The following CEP63 variants were observed in gnomAD, a reference collection of about 807,000 sequenced individuals.
CEP63 encodes the protein centrosomal protein of 63 kDa.
CEP63 carries 84 observed loss-of-function variants against 89.1 expected under a neutral mutation model. The ratio of observed to expected loss-of-function variants is 0.94; its 90% CI spans 0.79 to 1.13. The LOEUF (loss-of-function observed/expected upper bound fraction) is 1.13, where lower values mean the gene tolerates loss of function less well. Among genes scored for constraint, CEP63 ranks in the 50% most tolerant of loss-of-function variants. The probability of loss-of-function intolerance (pLI) is 0.00; values close to 1 mark genes in which losing one functional copy is unlikely to be tolerated. For synonymous variants in CEP63, 267 were observed against 272.5 expected (o/e 0.98, Z 0.20); for missense variants, 838 against 813.3 (o/e 1.03, Z -0.37).
At chr3:134,558,523 G>A (rs1230684724) in intron 13 of CEP63, among the ~76,000 whole-genome samples, 176 bp downstream of exon 13, 1 of 152,076 alleles carries the variant, frequency 6.6e-6, no homozygotes, top group Non-Finnish European at 1.5e-5. Flanking sequence ...GGCTGGGGGA[G>A]GTGTATAGCA....
chr3:134,500,181 T>A (rs1178450938), intron 2 of CEP63, among the ~76,000 whole-genome samples: 1 of 152,236 alleles, frequency 6.6e-6, no homozygotes, highest in Non-Finnish European at 1.5e-5. Flanking sequence ...CACTTGCAAA[T>A]GAAAACATGC....
exon 12 of CEP63, chr3:134,574,807 C>A: frequency 1.6e-6 from 1 of 609,878 alleles, no homozygotes; most frequent in Admixed American, 2.4e-5. Flanking sequence ...GGGGTTTTAC[C>A]ATGTTGTCCA....
At position 134,564,441 on chromosome 3, in the gene CEP63, C is replaced by T. The variant is rs1441214885; in HGVS notation, c.*2906C>T. On this transcript the variant is annotated 3_prime_UTR_variant, in exon 15 of 15. Coordinates refer to ENST00000675561, the MANE Select transcript of CEP63 (RefSeq NM_001353108.3). ...AGGGAACGTTTCTCCTCATTGCTGT[C>T]ATGGCACCCTGTGTGTGGCTCTGAC... The T allele has an allele frequency of 1.3e-5, 13 of 985,336 alleles. No homozygotes were observed. Among genetic ancestry groups the T allele is most frequent in the African/African-American group, 1.7e-5 (1 of 57,232 alleles). The allele number at this position is 985,336 out of a possible 1,614,324, so 61.0% of individuals were successfully genotyped here.
At chr3:134,583,011 C>G (rs1958397299) in intron 10 of CEP63, among the ~76,000 whole-genome samples, 1 of 152,146 alleles carries the variant, frequency 6.6e-6, no homozygotes, top group South Asian at 2.1e-4. Flanking sequence ...CCTTTGCCCA[C>G]TTTTTGATGG....
intron 5 of CEP63, among the ~76,000 whole-genome samples, chr3:134,535,056 T>C (rs1009995453): frequency 2.6e-5 from 4 of 152,184 alleles, no homozygotes; most frequent in Non-Finnish European, 5.9e-5. Flanking sequence ...TTAATTTTTT[T>C]TCTCTACTGG....
chr3:134,506,999 T>C, intron 2 of CEP63, 110 bp from the exon 3 acceptor site: 1 of 715,168 alleles, frequency 1.4e-6, no homozygotes, highest in South Asian at 1.6e-5. Flanking sequence ...TTAATGTCAT[T>C]TAATTATTTA....
At chr3:134,695,580 G>A in the CEP63 span, among the ~76,000 whole-genome samples, 4 of 152,226 alleles carry the variant, frequency 2.6e-5, no homozygotes, top group Non-Finnish European at 5.9e-5. Flanking sequence ...GCTGGCTGTG[G>A]TGGTGAAGCT....
chr3:134,618,043 A>G, the CEP63 span, among the ~76,000 whole-genome samples: 1 of 151,918 alleles, frequency 6.6e-6, no homozygotes, highest in African/African-American at 2.4e-5. Context: ...CATATTCTGT[A>G]CCCTGACCCA....
At chr3:134,649,428 G>C in the CEP63 span, among the ~76,000 whole-genome samples, 1 of 152,188 alleles carries the variant, frequency 6.6e-6, no homozygotes, top group Non-Finnish European at 1.5e-5. Flanking sequence ...CTCGTGGGCT[G>C]ACCTGGAACT....
chr3:134,604,413 G>T, the CEP63 span: 1 of 1,613,966 alleles, frequency 6.2e-7, no homozygotes, highest in Non-Finnish European at 8.5e-7. Flanking sequence ...GCTTGCCATT[G>T]AGCATGAACA....
In CEP63 at chr3:134,531,791, G is replaced by A. The variant is rs1949901300; in HGVS notation, c.223-54G>A. 8 of 1,210,004 alleles carry A rather than the reference G, an allele frequency of 6.6e-6. No individual in the cohort carries two copies. The South Asian group carries it at 7.3e-5, about 11-fold the overall frequency. 75.0% of individuals were successfully genotyped at this position (1,210,004 alleles called of 1,614,324 possible). A position where few individuals can be genotyped will look rare whatever the true frequency, so the allele number is the denominator to read the frequency against. On this transcript the variant is annotated intron_variant, in intron 3 of 14. Coordinates refer to ENST00000675561, the MANE Select transcript of CEP63 (RefSeq NM_001353108.3). ...GATTATTTTCTATTTTTATATCTCA[G>A]GGATGTTATTTCAATGCTAATAGTG...
At chr3:134,779,318 C>A in the CEP63 span, among the ~76,000 whole-genome samples, 1 of 152,164 alleles carries the variant, frequency 6.6e-6, no homozygotes, top group African/African-American at 2.4e-5. Context: ...ATAATTCACT[C>A]ATTTTTGCTC....
chr3:134,556,383 C>T (rs879432560), intron 12 of CEP63, among the ~76,000 whole-genome samples: 13 of 151,634 alleles, frequency 8.6e-5, no homozygotes, highest in East Asian at 1.9e-4. Context: ...ATTTTTAAAG[C>T]GCAAACCCAC....
At chr3:134,749,195 TG>T in the CEP63 span, among the ~76,000 whole-genome samples, 2 of 152,238 alleles carry the variant, frequency 1.3e-5, no homozygotes, top group Non-Finnish European at 2.9e-5. Context: ...GGAGAACTTA[TG>T]GAAACCCAAA....
At chr3:134,600,751 C>G in the CEP63 span, 1 of 152,268 alleles carries the variant, frequency 6.6e-6, no homozygotes, top group Non-Finnish European at 1.5e-5. Context: ...TCAAGTGCTT[C>G]TGTTTCAAGA....
chr3:134,528,164 C>T (rs867138656), intron 3 of CEP63, among the ~76,000 whole-genome samples: 3 of 152,142 alleles, frequency 2.0e-5, no homozygotes, highest in South Asian at 4.1e-4. Flanking sequence ...AGTCCAGGTG[C>T]GTAGTCGCCT....
chr3:134,575,360 TCTCCCTCCCTCC>T (rs373929339), downstream of CEP63, among the ~76,000 whole-genome samples: 19 of 23,706 alleles, frequency 8.0e-4, 2 homozygotes, highest in African/African-American at 2.6e-3. Context: ...TGGCCCTCTT[TCTCCCTCCCTCC>T]CTCCCTCCCT....
At chr3:134,488,953 C>T (rs1936677010) in intron 1 of CEP63, among the ~76,000 whole-genome samples, 2 of 151,898 alleles carry the variant, frequency 1.3e-5, no homozygotes, top group Non-Finnish European at 2.9e-5. Context: ...GTCAGGAGTT[C>T]GAGACCAGCC....
the CEP63 span, among the ~76,000 whole-genome samples, chr3:134,709,614 C>T: frequency 6.6e-6 from 1 of 152,304 alleles, no homozygotes; most frequent in East Asian, 1.9e-4. Context: ...ATAGGTTTTG[C>T]ATAAACAATT....
Sources: gnomAD v4.1 joint callset for allele counts (sites outside exome capture counted in the v4.1 genomes callset) on GRCh38, gnomAD v4.1.1 for gene constraint, MANE v1.5 for transcripts, NCBI Gene and HGNC (gene_info 2026-07-23, HGNC 2026-07-21) for gene names.